Variants in RFX7 observed in about 807,000 individuals in gnomAD.
The protein encoded by RFX7 is DNA-binding protein RFX7.
In RFX7, 26 loss-of-function variants were observed where a neutral mutation model predicts 111.8. That is an observed-to-expected ratio of 0.23 (90% CI 0.17 to 0.32). The LOEUF is 0.32. Ranked by LOEUF, RFX7 falls within the 10% of genes least tolerant of loss-of-function variation. The pLI is 1.00. For missense variants in RFX7, 1,573 were observed against 1,772.9 expected (o/e 0.89, Z 2.02); for synonymous variants, 624 against 624.4 (o/e 1.00, Z 0.01).
intron 5 of RFX7, among the ~76,000 whole-genome samples, chr15:56,139,634 TC>T (rs2141015610): frequency 6.6e-6 from 1 of 152,378 alleles, no homozygotes; most frequent in African/African-American, 2.4e-5. Context: ...ACATTCTCCA[TC>T]CAGCTTTGTT....
intron 2 of RFX7, among the ~76,000 whole-genome samples, chr15:56,209,283 T>A (rs2043287289): frequency 6.7e-6 from 1 of 149,830 alleles, no homozygotes; most frequent in Admixed American, 6.6e-5. Context: ...CTCGAGAGTG[T>A]CAAGAGAAAA....
At chr15:56,124,979 T>C (rs2042123784) in intron 5 of RFX7, among the ~76,000 whole-genome samples, 1 of 152,336 alleles carries the variant, frequency 6.6e-6, no homozygotes, top group East Asian at 1.9e-4. Flanking sequence ...GCTAATTTTG[T>C]AGTTTTGGTC....
At chr15:56,244,548 C>A (rs888838774), upstream of RFX7, among the ~76,000 whole-genome samples, 16 of 152,222 alleles carry the variant, frequency 1.1e-4, no homozygotes, top group African/African-American at 3.4e-4. Context: ...TTCCTTCGTG[C>A]CTTTGCTCAT....
intron 5 of RFX7, among the ~76,000 whole-genome samples, chr15:56,130,267 A>G (rs1281781121): frequency 1.3e-5 from 2 of 152,200 alleles, no homozygotes; most frequent in African/African-American, 2.4e-5. Flanking sequence ...GAGAATGTCA[A>G]AATATTTTAA....
At chr15:56,227,148 T>G (rs2043494173) in intron 2 of RFX7, among the ~76,000 whole-genome samples, 1 of 152,230 alleles carries the variant, frequency 6.6e-6, no homozygotes, top group Non-Finnish European at 1.5e-5. Context: ...TTTAAGCACT[T>G]TGCCACTGGC....
chr15:56,234,360 A>G (rs963461749), intron 2 of RFX7, among the ~76,000 whole-genome samples: 1 of 152,198 alleles, frequency 6.6e-6, no homozygotes, highest in Non-Finnish European at 1.5e-5. Context: ...CCCTGACTAC[A>G]TGATTCTATA....
At chr15:56,213,294 T>G (rs1237172704) in intron 2 of RFX7, among the ~76,000 whole-genome samples, 2 of 152,128 alleles carry the variant, frequency 1.3e-5, no homozygotes, top group Non-Finnish European at 1.5e-5. Context: ...AATCCATATA[T>G]CCTACAATGG....
At chr15:56,102,340 G>GA (rs142841844) in intron 6 of RFX7, 87 bp from the exon 7 acceptor site, 43,323 of 673,018 alleles carry the variant, frequency 0.064, 1,638 homozygotes, top group Admixed American at 0.11. Context: ...TATGAAATGA[G>GA]AAAAAAAAAT....
chr15:56,146,270 T>C (rs959739984), intron 3 of RFX7, among the ~76,000 whole-genome samples: 3 of 152,094 alleles, frequency 2.0e-5, no homozygotes, highest in Non-Finnish European at 2.9e-5. Context: ...CATAATTTTT[T>C]AATTTATTTT....
intron 3 of RFX7, among the ~76,000 whole-genome samples, chr15:56,161,513 T>A (rs886733745): frequency 6.6e-6 from 1 of 152,114 alleles, no homozygotes; most frequent in East Asian, 1.9e-4. Context: ...TTTTTATGAA[T>A]GTGCTCTAAA....
intron 2 of RFX7, among the ~76,000 whole-genome samples, chr15:56,182,503 T>C (rs1006356691): frequency 1.3e-5 from 2 of 152,192 alleles, no homozygotes; most frequent in Non-Finnish European, 1.5e-5. Flanking sequence ...ATGTAAACTT[T>C]CCAGTTGTTA....
In RFX7 at chr15:56,233,845, A is replaced by C. The variant is rs144329557; in HGVS notation, c.161+9280T>G. Among the ~76,000 whole-genome samples, 442 of 152,230 alleles carry C rather than the reference A, an allele frequency of 2.9e-3. 6 individuals are homozygous for C. The highest frequency in any genetic ancestry group is 0.02 in the South Asian group (95 of 4,824). ...CTTTTCTTCTCTACTATTACTTTAT[A>C]TTCTTTCTTCTACTTGTACATCGAA... is the stretch of plus-strand genomic sequence containing the variant. On this transcript the variant is annotated intron_variant, in intron 2 of 9. Transcript: ENST00000559447.
chr15:56,122,120 C>T (rs555953097), intron 5 of RFX7, among the ~76,000 whole-genome samples: 63 of 152,238 alleles, frequency 4.1e-4, no homozygotes, highest in African/African-American at 1.4e-3. Context: ...AGATATTTAT[C>T]GTAGTGTTCA....
intron 5 of RFX7, among the ~76,000 whole-genome samples, chr15:56,122,955 A>G (rs1265691876): frequency 1.3e-5 from 2 of 151,956 alleles, no homozygotes; most frequent in African/African-American, 4.8e-5. Context: ...TATTCGAGAA[A>G]TACCATCTAA....
At chr15:56,148,067 G>T (rs2042508918) in intron 3 of RFX7, among the ~76,000 whole-genome samples, 1 of 152,180 alleles carries the variant, frequency 6.6e-6, no homozygotes, top group South Asian at 2.1e-4. Flanking sequence ...CAAGTCTTTT[G>T]AATGAGGTAG....
Position 56,094,861 on chromosome 15 carries a change from G to T in RFX7, c.2867C>A (p.Pro956His), listed in dbSNP as rs2041649638. Residue 956 changes from proline (P) to histidine (H), a missense_variant, in exon 10 of 10, where the codon CCT becomes CAT. Physicochemically the swap from Pro to His is moderately conservative, Grantham distance 77 (BLOSUM62 -2). This residue lies in a region of RFX7 where 625 missense variants were observed against 632.2 expected (regional missense o/e 0.99). Coordinates refer to ENST00000559447, the MANE Select transcript of RFX7 (RefSeq NM_022841.7). ...HTPTPTPTPT[P>H]TPTPTPTPTS... Reference sequence around the variant, plus strand: ...CGGGGTTGGGGTTGGGGTTGGAGTAGGAGTGGGTGTGGGTGTGGGTGTGGG... The same window carrying T: ...CGGGGTTGGGGTTGGGGTTGGAGTATGAGTGGGTGTGGGTGTGGGTGTGGG... 2 of 1,555,002 alleles carry T rather than the reference G, an allele frequency of 1.3e-6. No homozygotes were observed. Among genetic ancestry groups the T allele is most frequent in the East Asian group, 2.4e-5 (1 of 42,342 alleles).
intron 3 of RFX7, among the ~76,000 whole-genome samples, chr15:56,147,511 T>G (rs757814176): frequency 4.6e-5 from 7 of 152,196 alleles, no homozygotes; most frequent in Non-Finnish European, 7.3e-5. Flanking sequence ...TACAACACAG[T>G]TAATGTACTA....
intron 3 of RFX7, among the ~76,000 whole-genome samples, chr15:56,156,760 G>A (rs563277318): frequency 2.0e-5 from 3 of 152,006 alleles, no homozygotes; most frequent in African/African-American, 7.2e-5. Flanking sequence ...TAATCTTATG[G>A]GTATGAAAAA....
At chr15:56,220,535 GTT>G (rs140570621) in intron 2 of RFX7, among the ~76,000 whole-genome samples, 1 of 149,202 alleles carries the variant, frequency 6.7e-6, no homozygotes, top group South Asian at 2.1e-4. Flanking sequence ...CTAGCCAAAT[GTT>G]TTTTTTTTCT....
Sources: allele counts gnomAD v4.1 joint callset (sites outside exome capture counted in the v4.1 genomes callset), GRCh38; gene constraint gnomAD v4.1.1; regional missense constraint gnomAD v4.1.1; transcripts MANE v1.5; gene names NCBI Gene and HGNC (gene_info 2026-07-23, HGNC 2026-07-21).